NAV3: variants seen among roughly 807,000 people sequenced by gnomAD.
NAV3 encodes the protein neuron navigator 3.
NAV3 carries 87 observed loss-of-function variants against 244.7 expected under a neutral mutation model. That is an observed-to-expected ratio of 0.36 (90% confidence interval 0.30 to 0.42). The LOEUF (loss-of-function observed/expected upper bound fraction) is 0.42. Ranked by LOEUF, NAV3 falls within the 20% of genes least tolerant of loss-of-function variation. NAV3 has a pLI of 1.00. For missense variants in NAV3, 2,663 were observed against 2,893.3 expected (o/e 0.92, Z 1.83); for synonymous variants, 1,126 against 1,042.2 (o/e 1.08, Z -1.55).
At chr12:77,969,100 G>T (rs1441128811) in intron 5 of NAV3, among the ~76,000 whole-genome samples, 2 of 151,772 alleles carry the variant, frequency 1.3e-5, no homozygotes, top group African/African-American at 4.8e-5. Context: ...TTTCAGGTCT[G>T]TTAAACATAG....
At chr12:77,827,795 A>T (rs1310328928), upstream of NAV3, among the ~76,000 whole-genome samples, 3 of 152,314 alleles carry the variant, frequency 2.0e-5, no homozygotes, top group Admixed American at 2.0e-4. Context: ...AAGGAAGAAT[A>T]ATTATTTTTT....
rs567494503 is a variant in NAV3, at chr12:77,848,778, G to C, written c.243+17074G>C. On this transcript the variant is annotated intron_variant, in intron 1 of 39. Transcript: ENST00000397909. ...CAAGATATATGCTACATTTGCCATA[G>C]GAACTGGAACACTGAATGATTTAAA... Among the ~76,000 whole-genome samples the C allele has an allele frequency of 2.0e-5, 3 of 152,216 alleles. No homozygotes were observed. In the South Asian group the frequency reaches 6.2e-4, roughly 32 times the overall value.
chr12:78,210,476 C>T lies in NAV3; in HGVS notation c.7117C>T (p.His2373Tyr), dbSNP rs937054728. 3.7e-6 allele frequency: 6 copies of T among 1,613,700 alleles called. No individual in the cohort carries two copies. In the African/African-American group the frequency reaches 8.0e-5, roughly 22 times the overall value. ...CTGCGACAGCGAAAGCACCAGCCACCATGAAGACATTTTGGATTCATCTCT... is the reference window on the plus strand; with the variant it reads ...CTGCGACAGCGAAAGCACCAGCCACTATGAAGACATTTTGGATTCATCTCT... ...QSCDSESTSH[H>Y]EDILDSSLES... is the part of the protein sequence containing the mutation. Residue 2373 changes from histidine (H) to tyrosine (Y), a missense_variant, in exon 40 of 40, where the codon CAT becomes TAT. Transcript: ENST00000397909.
At chr12:78,095,652 G>A (rs17044864) in intron 12 of NAV3, among the ~76,000 whole-genome samples, 4,326 of 152,208 alleles carry the variant, frequency 0.028, 93 homozygotes, top group South Asian at 0.066. Flanking sequence ...GAGGTGTTTC[G>A]TGAAGACAAT....
intron 2 of NAV3, among the ~76,000 whole-genome samples, chr12:77,740,870 A>G (rs1868316011): frequency 6.6e-6 from 1 of 152,082 alleles, no homozygotes; most frequent in Non-Finnish European, 1.5e-5. Context: ...AGGCAAAGAC[A>G]AAGACAGCTC....
At chr12:77,986,602 A>G (rs921889154) in intron 5 of NAV3, among the ~76,000 whole-genome samples, 3 of 152,056 alleles carry the variant, frequency 2.0e-5, no homozygotes, top group African/African-American at 7.2e-5. Context: ...TTGATTCTTG[A>G]GGTTGAAAAC....
chr12:77,918,588 T>C (rs1887391367), intron 1 of NAV3, among the ~76,000 whole-genome samples: 1 of 152,094 alleles, frequency 6.6e-6, no homozygotes, highest in African/African-American at 2.4e-5. Context: ...ATTGCTGCTC[T>C]ACGGGCTTAC....
intron 2 of NAV3, among the ~76,000 whole-genome samples, chr12:77,818,869 C>T (rs1474807285): frequency 2.6e-5 from 4 of 151,716 alleles, no homozygotes; most frequent in Non-Finnish European, 5.9e-5. Context: ...ATTAGTATTC[C>T]AAGTTTAATT....
chr12:78,026,056 T>G lies in NAV3; in HGVS notation c.2023+4194T>G, dbSNP rs576260696. 1.2e-3 allele frequency among the ~76,000 whole-genome samples: 187 copies of G among 152,342 alleles called. 1 individual carries two copies. Among genetic ancestry groups the G allele is most frequent in the African/African-American group, 4.4e-3 (182 of 41,584 alleles). On this transcript the variant is annotated intron_variant, in intron 9 of 39. Transcript: ENST00000397909. ...CTCAAACCTTACTGTTCCTTTTTGG[T>G]TTCCTTTTCTAGTTATACTTTTTTT...
At chr12:78,037,142 G>A (rs1880033401) in intron 9 of NAV3, 1 of 702,876 alleles carries the variant, frequency 1.4e-6, no homozygotes, top group African/African-American at 1.7e-5. Context: ...TGCCTGCTGG[G>A]GGCAGCCAGT....
At chr12:78,181,412 G>A (rs1208334051) in intron 30 of NAV3, among the ~76,000 whole-genome samples, 2 of 151,978 alleles carry the variant, frequency 1.3e-5, no homozygotes, top group Non-Finnish European at 2.9e-5. Context: ...TATAAGTGTA[G>A]CAGGCTTTAT....
chr12:77,637,142 A>T (rs1872194061), intron 2 of NAV3, among the ~76,000 whole-genome samples: 1 of 152,146 alleles, frequency 6.6e-6, no homozygotes, highest in Non-Finnish European at 1.5e-5. Flanking sequence ...AGTATAATAA[A>T]AAAAGGAAAA....
intron 2 of NAV3, among the ~76,000 whole-genome samples, chr12:77,600,113 T>C (rs930809619): frequency 2.0e-5 from 3 of 151,980 alleles, no homozygotes; most frequent in Admixed American, 6.6e-5. Context: ...CTTAAGCAAA[T>C]GTGTAAAACA....
rs758264295 is a variant in NAV3 at position 77,736,216 on chromosome 12, A to G, written c.72+163950A>G. On this transcript the variant is annotated intron_variant, in intron 2 of 8. Transcript: ENST00000550042. ...CAAATACTCAGTCAAGTTCTATTAA[A>G]CCAATTTTATTCTAGCGAAGGTCAA... 2.0e-5 allele frequency among the ~76,000 whole-genome samples: 3 copies of G among 152,220 alleles called. No individual in the cohort carries two copies. In the East Asian group the frequency reaches 5.8e-4, roughly 29 times the overall value.
chr12:77,748,974 A>G (rs1357972097), intron 2 of NAV3, among the ~76,000 whole-genome samples: 1 of 152,238 alleles, frequency 6.6e-6, no homozygotes, highest in Non-Finnish European at 1.5e-5. Context: ...GTTACATTAC[A>G]CATGTTAAAT....
intron 2 of NAV3, among the ~76,000 whole-genome samples, chr12:77,770,885 AT>A (rs1208262105): frequency 1.3e-5 from 2 of 152,178 alleles, no homozygotes; most frequent in Non-Finnish European, 2.9e-5. Flanking sequence ...ACCAAAAGCA[AT>A]GGCAACAAAA....
chr12:78,086,119 A>G (rs1953623800), intron 12 of NAV3, among the ~76,000 whole-genome samples: 1 of 152,088 alleles, frequency 6.6e-6, no homozygotes, highest in Admixed American at 6.6e-5. Context: ...TTACCCGTGC[A>G]GGATTGTTGA....
At chr12:78,176,384 G>T (rs1430949807) in intron 25 of NAV3, 55 bp from the exon 26 acceptor site, 10 of 1,570,118 alleles carry the variant, frequency 6.4e-6, no homozygotes, top group South Asian at 1.1e-5. Flanking sequence ...TTAAAATACT[G>T]ATCAGCCTTC....
intron 2 of NAV3, among the ~76,000 whole-genome samples, chr12:77,648,504 A>G (rs1199686840): frequency 1.3e-5 from 2 of 152,152 alleles, no homozygotes; most frequent in Non-Finnish European, 2.9e-5. Flanking sequence ...ATTAAATGGT[A>G]CTAGTTGAAC....
Sources: allele counts gnomAD v4.1 joint callset (sites outside exome capture counted in the v4.1 genomes callset), GRCh38; gene constraint gnomAD v4.1.1; transcripts MANE v1.5; gene names NCBI Gene and HGNC (gene_info 2026-07-23, HGNC 2026-07-21).